Variants in SCN9A observed in about 807,000 individuals in gnomAD.
The protein encoded by SCN9A is sodium voltage-gated channel alpha subunit 9.
Under a neutral mutation model 187.0 loss-of-function variants are expected in SCN9A, and 131 were observed. The ratio of observed to expected loss-of-function variants is 0.70; its 90% confidence interval spans 0.61 to 0.81. The LOEUF is 0.81. SCN9A is among the 30% of genes least tolerant of loss of function. The probability of loss-of-function intolerance (pLI) is 0.00; values close to 1 mark genes in which losing one functional copy is unlikely to be tolerated. For missense variants in SCN9A, 2,252 were observed against 2,396.6 expected (o/e 0.94, Z 1.26); for synonymous variants, 809 against 808.6 (o/e 1.00, Z -0.01).
Position 166,198,374 on chromosome 2 carries a change from AT to A in SCN9A, c.*297del, listed in dbSNP as rs1270575210. On this transcript the variant is annotated 3_prime_UTR_variant, in exon 27 of 27. Transcript: ENST00000642356. The stretch of plus-strand genomic sequence containing the variant: ...ATCCTGTGAAAAGATGACAAGGCAG[AT>A]GTAAAAGTTTTCTACATGGTCTTCT... The A allele has an allele frequency of 1.2e-5, 3 of 259,046 alleles. No individual in the cohort carries two copies. Among genetic ancestry groups the A allele is most frequent in the Non-Finnish European group, 2.2e-5 (3 of 136,474 alleles). The allele number at this position is 259,046 out of a possible 1,614,324, so 16.0% of individuals were successfully genotyped here.
At chr2:166,219,467 G>A (rs1193971337) in intron 24 of SCN9A, among the ~76,000 whole-genome samples, 2 of 152,070 alleles carry the variant, frequency 1.3e-5, no homozygotes, top group Non-Finnish European at 2.9e-5. Flanking sequence ...ACTAAGGCAG[G>A]AACAGAAAAC....
At chr2:166,232,720 T>C (rs1695134738) in intron 21 of SCN9A, among the ~76,000 whole-genome samples, 1 of 130,866 alleles carries the variant, frequency 7.6e-6, no homozygotes, top group Non-Finnish European at 1.6e-5. Flanking sequence ...CAATATGCAC[T>C]GAAATACTGT....
intron 21 of SCN9A, 127 bp from the exon 22 acceptor site, chr2:166,229,099 C>T: frequency 1.5e-6 from 1 of 684,052 alleles, no homozygotes; most frequent in East Asian, 2.7e-5. Context: ...GACATCAAAC[C>T]AACCAGCCGA....
chr2:166,336,647 G>T (rs1338666419), intron 1 of SCN9A, among the ~76,000 whole-genome samples: 1 of 152,080 alleles, frequency 6.6e-6, no homozygotes, highest in Non-Finnish European at 1.5e-5. Flanking sequence ...TAATTGCTTT[G>T]TTTACACTGT....
At position 166,272,666 on chromosome 2, in the gene SCN9A, T is replaced by C; in HGVS notation, c.3084A>G (p.Glu1028=). 6.2e-7 allele frequency: 1 copy of C among 1,612,248 alleles called. No homozygotes were observed. ...AGTTTTCCTTCTTAGTATTCAGATC[T>C]TCTGCTTGTCTTATCTCCCTGGAAA... ...PKISREIRQA[E]DLNTKKENYI... is the part of the protein sequence containing the mutation. The change falls in exon 17 of 27, where the codon GAA becomes GAG. Residue 1028 remains glutamate (E), a synonymous_variant. Coordinates refer to ENST00000642356, the MANE Select transcript of SCN9A (RefSeq NM_001365536.1).
At chr2:166,246,799 T>A (rs1394183272) in intron 18 of SCN9A, among the ~76,000 whole-genome samples, 1 of 152,066 alleles carries the variant, frequency 6.6e-6, no homozygotes, top group Admixed American at 6.6e-5. Context: ...AAAATCCTAA[T>A]TAGAAAAGTT....
chr2:166,204,637 C>T (rs1362639098), intron 24 of SCN9A, 173 bp from the exon 25 acceptor site: 4 of 396,208 alleles, frequency 1.0e-5, no homozygotes, highest in Non-Finnish European at 1.8e-5. Flanking sequence ...TGTGTAGAAA[C>T]ATGGGTCTCC....
intron 1 of SCN9A, among the ~76,000 whole-genome samples, chr2:166,330,230 T>C (rs560270291): frequency 2.3e-3 from 344 of 152,244 alleles, no homozygotes; most frequent in Non-Finnish European, 3.5e-3. Flanking sequence ...CCAATTGTTA[T>C]CATTGGCCAT....
intron 18 of SCN9A, among the ~76,000 whole-genome samples, chr2:166,245,494 A>G (rs926851458): frequency 1.1e-4 from 17 of 151,872 alleles, no homozygotes; most frequent in Admixed American, 9.2e-4. Flanking sequence ...GTTTTATAAG[A>G]AGTGATAAAC....
At chr2:166,271,485 G>T (rs1356278090) in intron 17 of SCN9A, among the ~76,000 whole-genome samples, 4 of 152,028 alleles carry the variant, frequency 2.6e-5, no homozygotes, top group African/African-American at 9.7e-5. Flanking sequence ...AAATCTATGG[G>T]TGAGCACTAG....
chr2:166,259,723 T>C (rs553297844), intron 17 of SCN9A, among the ~76,000 whole-genome samples: 12 of 151,940 alleles, frequency 7.9e-5, no homozygotes, highest in African/African-American at 2.9e-4. Flanking sequence ...TAATTAATTT[T>C]GACATTTTAA....
At chr2:166,212,013 T>G (rs1042479771) in intron 24 of SCN9A, among the ~76,000 whole-genome samples, 4 of 152,212 alleles carry the variant, frequency 2.6e-5, no homozygotes, top group Admixed American at 6.5e-5. Flanking sequence ...TCCAGTTATA[T>G]GCTGTCTCCA....
chr2:166,307,894 G>A (rs866796939), intron 2 of SCN9A, among the ~76,000 whole-genome samples: 1 of 152,130 alleles, frequency 6.6e-6, no homozygotes, highest in African/African-American at 2.4e-5. Context: ...ATTTTTCTCC[G>A]GTTGGCAGGA....
chr2:166,348,745 T>C (rs1699962552), intron 1 of SCN9A, among the ~76,000 whole-genome samples: 1 of 152,080 alleles, frequency 6.6e-6, no homozygotes, highest in Non-Finnish European at 1.5e-5. Context: ...AGATCCTAGA[T>C]AGGTGGCTAT....
chr2:166,218,972 A>G (rs1215474998), intron 24 of SCN9A, among the ~76,000 whole-genome samples: 1 of 152,184 alleles, frequency 6.6e-6, no homozygotes, highest in Non-Finnish European at 1.5e-5. Context: ...AAAAAGCTCA[A>G]TGTCACTGAC....
Position 166,325,922 on chromosome 2 carries a change from A to G in SCN9A, c.-50-14116T>C, listed in dbSNP as rs114048544. ...CAATAATATTTTAAATTACTCTCCT[A>G]TGTTCGATAACATCACCTTCATAAC... On this transcript the variant is annotated intron_variant, in intron 1 of 26. Transcript: ENST00000642356. Among the ~76,000 whole-genome samples, 989 of 152,278 alleles carry G rather than the reference A, an allele frequency of 6.5e-3. 13 individuals are homozygous for G. Among genetic ancestry groups the G allele is most frequent in the African/African-American group, 0.022 (916 of 41,568 alleles).
intron 23 of SCN9A, among the ~76,000 whole-genome samples, chr2:166,227,098 C>G (rs1348736558): frequency 6.6e-6 from 1 of 151,908 alleles, no homozygotes; most frequent in Non-Finnish European, 1.5e-5. Context: ...TCTTTTGATT[C>G]CGAATACATC....
At chr2:166,332,740 A>G (rs1015051447) in intron 1 of SCN9A, among the ~76,000 whole-genome samples, 2 of 152,004 alleles carry the variant, frequency 1.3e-5, no homozygotes, top group African/African-American at 4.8e-5. Flanking sequence ...CTTAAAATTC[A>G]CTTTAAATAT....
chr2:166,264,752 G>T (rs550865608), intron 17 of SCN9A, among the ~76,000 whole-genome samples: 63 of 151,854 alleles, frequency 4.1e-4, no homozygotes, highest in Non-Finnish European at 6.8e-4. Context: ...AGGGTTTTTG[G>T]GTAGGGAGAA....
Sources: gnomAD v4.1 joint callset for allele counts (sites outside exome capture counted in the v4.1 genomes callset) on GRCh38, gnomAD v4.1.1 for gene constraint, MANE v1.5 for transcripts, NCBI Gene and HGNC (gene_info 2026-07-23, HGNC 2026-07-21) for gene names.